Variants in CHN1 observed in about 807,000 individuals in gnomAD.
CHN1 encodes N-chimaerin.
A neutral mutation model predicts 59.5 loss-of-function variants in CHN1; 37 were observed. The observed-to-expected ratio is 0.62, with a 90% CI of 0.48 to 0.82. The LOEUF is 0.82. CHN1 is among the 40% of genes least tolerant of loss of function. The pLI is 0.00. For synonymous variants in CHN1, 206 were observed against 200.4 expected (o/e 1.03, Z -0.24); for missense variants, 469 against 571.0 (o/e 0.82, Z 1.82).
chr2:174,991,098 T>C (rs1239829714), intron 1 of CHN1, among the ~76,000 whole-genome samples: 1 of 152,240 alleles, frequency 6.6e-6, no homozygotes, highest in Non-Finnish European at 1.5e-5. Flanking sequence ...GTGAGCTTTT[T>C]GGTCTACTAC....
intron 7 of CHN1, among the ~76,000 whole-genome samples, 199 bp from the exon 8 acceptor site, chr2:174,824,717 C>G (rs770501571): frequency 1.3e-5 from 2 of 151,906 alleles, no homozygotes; most frequent in Admixed American, 6.6e-5. Context: ...CTCAAGTGAT[C>G]CTCCCACCTC....
chr2:174,995,671 T>C (rs898553930), intron 1 of CHN1, among the ~76,000 whole-genome samples: 2 of 152,170 alleles, frequency 1.3e-5, no homozygotes, highest in African/African-American at 4.8e-5. Context: ...TGTCTGCTGC[T>C]CACCTGCTGT....
chr2:174,849,646 T>C (rs1326340814), intron 6 of CHN1, among the ~76,000 whole-genome samples: 1 of 152,188 alleles, frequency 6.6e-6, no homozygotes, highest in Non-Finnish European at 1.5e-5. Context: ...TCTACTCATA[T>C]ATAGAATCTA....
At chr2:174,817,836 A>G (rs1366691425) in intron 8 of CHN1, among the ~76,000 whole-genome samples, 1 of 151,890 alleles carries the variant, frequency 6.6e-6, no homozygotes, top group Non-Finnish European at 1.5e-5. Flanking sequence ...ACGGAGTTTC[A>G]CCGTGTTAGC....
At chr2:174,823,934 A>G (rs747992682) in intron 8 of CHN1, among the ~76,000 whole-genome samples, 3 of 152,212 alleles carry the variant, frequency 2.0e-5, no homozygotes, top group Non-Finnish European at 2.9e-5. Flanking sequence ...GTGGTTTTTC[A>G]GAATTTGGTA....
chr2:174,829,333 C>T (rs1685792397), intron 7 of CHN1, among the ~76,000 whole-genome samples: 1 of 152,176 alleles, frequency 6.6e-6, no homozygotes, highest in African/African-American at 2.4e-5. Flanking sequence ...TTGAGGGGCC[C>T]ATATGGCACA....
chr2:174,929,291 G>C (rs1689263015), intron 3 of CHN1, among the ~76,000 whole-genome samples: 1 of 152,088 alleles, frequency 6.6e-6, no homozygotes, highest in African/African-American at 2.4e-5. Context: ...TTAATAACTT[G>C]CGAAGGCCAG....
At position 174,809,865 on chromosome 2, in the gene CHN1, ACTGTAC is replaced by A. The variant is rs556109291; in HGVS notation, c.965-829_965-824del. ...TATTTGTTTTGACCATGGATCTCTCACTGTACCTGTCACATAAATATCTGTGATTCC... is the reference window on the plus strand; with the variant it reads ...TATTTGTTTTGACCATGGATCTCTCACTGTCACATAAATATCTGTGATTCC... On this transcript the variant is annotated intron_variant, in intron 10 of 12. Coordinates refer to ENST00000409900, the MANE Select transcript of CHN1 (RefSeq NM_001822.7). Among the ~76,000 whole-genome samples the A allele has an allele frequency of 1.9e-3, 289 of 152,294 alleles. 1 individual carries two copies. Among genetic ancestry groups the A allele is most frequent in the East Asian group, 9.5e-3 (49 of 5,172 alleles).
intron 7 of CHN1, among the ~76,000 whole-genome samples, chr2:174,826,976 G>T (rs1051499349): frequency 4.6e-5 from 7 of 151,956 alleles, no homozygotes; most frequent in Admixed American, 2.0e-4. Context: ...GGTAGCTTAT[G>T]TAGCTCTCCA....
rs186717784 is a variant in CHN1 at position 174,846,893 on chromosome 2, A to G, written c.614T>C (p.Ile205Thr). The change falls in exon 7 of 13, where the codon ATT becomes ACT. Residue 205 changes from isoleucine (I) to threonine (T), a missense_variant. Physicochemically the swap from Ile to Thr is moderately conservative, Grantham distance 89 (BLOSUM62 -1). Around this residue, in one of 5 missense-constraint regions of CHN1, gnomAD observed 81 missense variants for 71.7 expected, o/e 1.13. Transcript: ENST00000409900. ...AAATATTCTTACCTTGAAATTGTGAATCTTTTCATATTTTGGAATTTGCTC... is the reference window on the plus strand; with the variant it reads ...AAATATTCTTACCTTGAAATTGTGAGTCTTTTCATATTTTGGAATTTGCTC... ...ENEQIPKYEK[I>T]HNFKVHTFRG... The G allele has an allele frequency of 1.3e-6, 2 of 1,550,484 alleles. No homozygotes were observed. Among genetic ancestry groups the G allele is most frequent in the East Asian group, 4.9e-5 (2 of 41,056 alleles).
intron 1 of CHN1, among the ~76,000 whole-genome samples, chr2:174,976,126 CAAAAAAAAAAAAAAAAA>C (rs71031078): frequency 1.0e-4 from 5 of 50,184 alleles, no homozygotes; most frequent in African/African-American, 3.6e-4. Context: ...GACTCCGTCT[CAAAAAAAAAAAAAAAAA>C]AAAAAAAAAA....
At chr2:174,979,533 G>C (rs944409757) in intron 1 of CHN1, among the ~76,000 whole-genome samples, 4 of 152,100 alleles carry the variant, frequency 2.6e-5, no homozygotes, top group Non-Finnish European at 4.4e-5. Context: ...ATGTACATAG[G>C]GCTGGGCGCG....
Position 174,892,657 on chromosome 2 carries a change from A to G in CHN1, c.261-14529T>C, listed in dbSNP as rs1056472579. Among the ~76,000 whole-genome samples the G allele has an allele frequency of 2.6e-5, 4 of 152,364 alleles. No individual in the cohort carries two copies. In the South Asian group the frequency reaches 8.3e-4, roughly 32 times the overall value. On this transcript the variant is annotated intron_variant, in intron 5 of 12. Transcript: ENST00000409900. ...GTGATACCAAAGCCAGACAAAGATT[A>G]CTACAAGAAAACTATAGACCAATAT... is the stretch of plus-strand genomic sequence containing the variant.
At position 175,005,234 on chromosome 2, in the gene CHN1, C is replaced by A; in HGVS notation, c.-322G>T. 8.4e-7 allele frequency: 1 copy of A among 1,190,650 alleles called. No individual in the cohort carries two copies. The highest frequency in any genetic ancestry group is 1.0e-6 in the Non-Finnish European group (1 of 959,322). 73.8% of individuals were successfully genotyped at this position (1,190,650 alleles called of 1,614,324 possible). A position where few individuals can be genotyped will look rare whatever the true frequency, so the allele number is the denominator to read the frequency against. On this transcript the variant is annotated 5_prime_UTR_variant, in exon 1 of 13. Coordinates refer to ENST00000409900, the MANE Select transcript of CHN1 (RefSeq NM_001822.7). The stretch of plus-strand genomic sequence containing the variant: ...CGAGGCAGGAGGCTTGGCCGCGGCG[C>A]AGTGGCTGGCGGAGAGGCGGCGCCG...
intron 6 of CHN1, among the ~76,000 whole-genome samples, chr2:174,876,968 G>C (rs778409255): frequency 6.6e-6 from 1 of 152,116 alleles, no homozygotes; most frequent in African/African-American, 2.4e-5. Flanking sequence ...CCGAGCTCAA[G>C]ACCTATTGCA....
intron 6 of CHN1, chr2:174,875,909 C>T (rs1687549888): frequency 2.5e-6 from 2 of 801,966 alleles, no homozygotes; most frequent in African/African-American, 3.7e-5. Flanking sequence ...AGATTTTAAG[C>T]CAGCTAGATT....
intron 1 of CHN1, among the ~76,000 whole-genome samples, chr2:174,986,353 T>C (rs1347850994): frequency 1.3e-5 from 2 of 152,214 alleles, no homozygotes; most frequent in African/African-American, 4.8e-5. Context: ...AATTCTAAAA[T>C]ATAGTGGAAC....
chr2:174,998,702 A>G (rs891059453), intron 1 of CHN1, among the ~76,000 whole-genome samples: 1 of 152,198 alleles, frequency 6.6e-6, no homozygotes, highest in Non-Finnish European at 1.5e-5. Flanking sequence ...GGCTCTTTCC[A>G]AGAAGTGCTT....
Position 175,005,113 on chromosome 2 carries a change from G to A in CHN1, c.-201C>T, listed in dbSNP as rs993825641. ...AAAAAGTTATTCACGCGTTATTGTC[G>A]GGCGCACCGGGCCCAGGGAGCCCCG... On this transcript the variant is annotated 5_prime_UTR_variant, in exon 1 of 13. It introduces an in-frame stop codon into an upstream open reading frame of the 5' UTR. Coordinates refer to ENST00000409900, the MANE Select transcript of CHN1 (RefSeq NM_001822.7). The A allele has an allele frequency of 3.8e-6, 5 of 1,319,472 alleles. No individual in the cohort carries two copies. Among genetic ancestry groups the A allele is most frequent in the Middle Eastern group, 2.9e-4 (1 of 3,440 alleles). 81.7% of individuals were successfully genotyped at this position (1,319,472 alleles called of 1,614,324 possible).
Sources: allele counts gnomAD v4.1 joint callset (sites outside exome capture counted in the v4.1 genomes callset), GRCh38; gene constraint gnomAD v4.1.1; regional missense constraint gnomAD v4.1.1; transcripts MANE v1.5; gene names NCBI Gene and HGNC (gene_info 2026-07-23, HGNC 2026-07-21).